Variants in MACF1 observed in about 807,000 individuals in gnomAD.
The protein encoded by MACF1 is microtubule-actin cross-linking factor 1.
MACF1 carries 193 observed loss-of-function variants against 854.8 expected under a neutral mutation model. The observed-to-expected ratio is 0.23, with a 90% CI of 0.20 to 0.25. The LOEUF (loss-of-function observed/expected upper bound fraction) is 0.25. Ranked by LOEUF, MACF1 falls within the 10% of genes least tolerant of loss-of-function variation. MACF1 has a pLI of 1.00. For synonymous variants in MACF1, 3,185 were observed against 3,226.7 expected (o/e 0.99, Z 0.44); for missense variants, 7,722 against 8,929.1 (o/e 0.86, Z 5.45).
intron 97 of MACF1, 102 bp from the exon 98 acceptor site, chr1:39,479,696 T>A (rs552828475): frequency 1.1e-6 from 1 of 931,316 alleles, no homozygotes; most frequent in African/African-American, 1.6e-5. Flanking sequence ...TAAACCCATA[T>A]AACTTATATA....
rs144367111 is a variant in MACF1, at chr1:39,388,068, C to T, written c.15226C>T (p.Leu5076=). 1.9e-6 allele frequency: 3 copies of T among 1,613,974 alleles called. No homozygotes were observed. The highest frequency in any genetic ancestry group is 2.5e-6 in the Non-Finnish European group (3 of 1,180,032). Residue 5076 remains leucine, a synonymous_variant, in exon 58 of 101, where the codon CTG becomes TTG. Transcript: ENST00000564288. Reference sequence around the variant, plus strand: ...CTATCTGAGGAACTTTACTCAGGGTCTGGTAGAAGATGCCCCAGATGGATC... The same window carrying T: ...CTATCTGAGGAACTTTACTCAGGGTTTGGTAGAAGATGCCCCAGATGGATC... The part of the protein sequence containing the change: ...VDYLRNFTQG[L]VEDAPDGSDA...
intron 20 of MACF1, 123 bp from the exon 21 acceptor site, chr1:39,297,497 A>G: frequency 8.8e-7 from 1 of 1,140,850 alleles, no homozygotes; most frequent in Non-Finnish European, 1.3e-6. Flanking sequence ...ATAAACTGTC[A>G]CTAATGCAGT....
At chr1:39,359,077 G>A (rs544035206) in intron 46 of MACF1, 64 bp from the exon 47 acceptor site, 29 of 1,592,550 alleles carry the variant, frequency 1.8e-5, no homozygotes, top group African/African-American at 9.4e-5. Flanking sequence ...CAGTAGCTCC[G>A]GATTCCTAGA....
chr1:39,111,176 G>C (rs551001494), intron 2 of MACF1, among the ~76,000 whole-genome samples: 1 of 152,080 alleles, frequency 6.6e-6, no homozygotes, highest in African/African-American at 2.4e-5. Flanking sequence ...TTTCTGGCCT[G>C]GTAAATGGCT....
chr1:39,168,809 G>A (rs906961254), intron 2 of MACF1, among the ~76,000 whole-genome samples: 7 of 152,070 alleles, frequency 4.6e-5, no homozygotes, highest in Non-Finnish European at 8.8e-5. Flanking sequence ...TCGGTTGATC[G>A]TAGAGATGGG....
At chr1:39,440,533 C>A (rs960041514) in intron 72 of MACF1, among the ~76,000 whole-genome samples, 21 of 152,118 alleles carry the variant, frequency 1.4e-4, no homozygotes, top group Admixed American at 2.0e-4. Context: ...TAGAGAAATT[C>A]TTTCCCTCCC....
intron 84 of MACF1, among the ~76,000 whole-genome samples, chr1:39,450,195 C>T (rs186888442): frequency 5.4e-4 from 82 of 151,978 alleles, no homozygotes; most frequent in Non-Finnish European, 8.7e-4. Flanking sequence ...CAAGGTCTTG[C>T]TATTGTCCAG....
At position 39,427,992 on chromosome 1, in the gene MACF1, C is replaced by T. The variant is rs749031489; in HGVS notation, c.16508C>T (p.Thr5503Ile). ...GAAGAAGACATAGAAAACCATGCAA[C>T]AGATGTGCACCAGGCAGTCAAAATT... ...ALEEDIENHA[T>I]DVHQAVKIGQ... The change falls in exon 63 of 101, where the codon ACA (threonine) becomes ATA (isoleucine). Residue 5503 changes from threonine to isoleucine, a missense_variant. Thr to Ile is a moderately conservative substitution (Grantham distance 89, BLOSUM62 -1). Transcript: ENST00000564288. The T allele has an allele frequency of 1.2e-6, 2 of 1,613,962 alleles. No individual in the cohort carries two copies. The highest frequency in any genetic ancestry group is 2.2e-5 in the South Asian group (2 of 91,068).
intron 58 of MACF1, among the ~76,000 whole-genome samples, chr1:39,419,327 A>T (rs898195341): frequency 1.3e-5 from 2 of 152,260 alleles, no homozygotes; most frequent in Non-Finnish European, 1.5e-5. Context: ...TTGTAAACAA[A>T]GTAAATCCAA....
At position 39,372,527 on chromosome 1, in the gene MACF1, A is replaced by C; in HGVS notation, c.13144A>C (p.Asn4382His). 6.2e-7 allele frequency: 1 copy of C among 1,613,934 alleles called. No individual in the cohort carries two copies. The highest frequency in any genetic ancestry group is 8.5e-7 in the Non-Finnish European group (1 of 1,179,872). Residue 4382 changes from asparagine to histidine, a missense_variant, in exon 52 of 101, where the codon AAT becomes CAT. Asn to His is a moderately conservative substitution (Grantham distance 68, BLOSUM62 1). Transcript: ENST00000564288. ...ASKGTLVEEI[N>H]CKGTSLENLI... ...TAAGGGAACTCTGGTGGAAGAAATC[A>C]ATTGCAAAGGTACTTCTTTAGAAAA...
chr1:39,347,361 C>G, intron 41 of MACF1, 151 bp downstream of exon 41: 7 of 669,806 alleles, frequency 1.0e-5, no homozygotes, highest in South Asian at 1.0e-4. Flanking sequence ...TGGTTCTAGT[C>G]CAGGAGGCAC....
At chr1:39,354,783 G>A (rs1368331578) in intron 44 of MACF1, among the ~76,000 whole-genome samples, 2 of 152,102 alleles carry the variant, frequency 1.3e-5, no homozygotes, top group African/African-American at 2.4e-5. Context: ...GCTTGAAAAC[G>A]CACACTGTTT....
intron 52 of MACF1, among the ~76,000 whole-genome samples, chr1:39,373,852 CAA>C (rs201909041): frequency 3.8e-5 from 4 of 106,030 alleles, no homozygotes; most frequent in African/African-American, 7.1e-5. Flanking sequence ...GACCCCATCT[CAA>C]AAAAAAAAAA....
In MACF1 at chr1:39,461,889, C is replaced by T. The variant is rs780047254; in HGVS notation, c.21530C>T (p.Pro7177Leu). 6.2e-7 allele frequency: 1 copy of T among 1,613,260 alleles called. No individual in the cohort carries two copies. Among genetic ancestry groups the T allele is most frequent in the South Asian group, 1.1e-5 (1 of 90,914 alleles). Residue 7177 changes from proline to leucine, a missense_variant, in exon 93 of 101, where the codon CCC becomes CTC. Physicochemically the swap from Pro to Leu is moderately conservative, Grantham distance 98 (BLOSUM62 -3). This residue lies in a region of MACF1 where 153 missense variants were observed against 342.5 expected (regional missense o/e 0.45). Coordinates refer to ENST00000564288, the MANE Select transcript of MACF1 (RefSeq NM_001394062.1). ...TATGATTCCTTTTCTCCAGAGTTCC[C>T]CACCACCAAGTTAGAGATGACTGCT... ...FIDGILASKF[P>L]TTKLEMTAVA...
chr1:39,448,473 A>G (rs1304717162), intron 83 of MACF1, 121 bp from the exon 84 acceptor site: 1 of 792,968 alleles, frequency 1.3e-6, no homozygotes, highest in East Asian at 2.8e-5. Flanking sequence ...ATTTTAGTTC[A>G]AAAAAAGTGG....
At chr1:39,372,948 C>A (rs1458509252) in intron 52 of MACF1, 1 of 232,576 alleles carries the variant, frequency 4.3e-6, no homozygotes, top group African/African-American at 2.4e-5. Context: ...GGGCACTGGC[C>A]AGCCACGAAG....
chr1:39,193,594 A>T (rs535026305), intron 2 of MACF1, among the ~76,000 whole-genome samples: 1 of 152,320 alleles, frequency 6.6e-6, no homozygotes, highest in East Asian at 1.9e-4. Flanking sequence ...TGCCAAATAT[A>T]TTATGCATTT....
intron 51 of MACF1, among the ~76,000 whole-genome samples, chr1:39,371,608 C>G (rs1446771530): frequency 6.6e-6 from 1 of 152,136 alleles, no homozygotes; most frequent in Non-Finnish European, 1.5e-5. Flanking sequence ...CCATTGTTTC[C>G]TGACGGATTT....
At chr1:39,298,279 A>G (rs1645966006) in intron 21 of MACF1, among the ~76,000 whole-genome samples, 1 of 152,198 alleles carries the variant, frequency 6.6e-6, no homozygotes. Flanking sequence ...TTGTGCAGTT[A>G]TTTATGAAGC....
Sources: gnomAD v4.1 joint callset for allele counts (sites outside exome capture counted in the v4.1 genomes callset) on GRCh38, gnomAD v4.1.1 for gene constraint, gnomAD v4.1.1 regional missense constraint, MANE v1.5 for transcripts, NCBI Gene and HGNC (gene_info 2026-07-23, HGNC 2026-07-21) for gene names.